TTLL10: variants seen among roughly 807,000 people sequenced by gnomAD.
TTLL10 encodes inactive polyglycylase TTLL10.
In TTLL10, 61 loss-of-function variants were observed where a neutral mutation model predicts 69.0. The observed-to-expected ratio is 0.88, with a 90% CI of 0.72 to 1.09. The LOEUF is 1.09. TTLL10 is among the 50% of genes least tolerant of loss of function. TTLL10 has a pLI of 0.00. For synonymous variants in TTLL10, 408 were observed against 393.3 expected (o/e 1.04, Z -0.44); for missense variants, 962 against 945.9 (o/e 1.02, Z -0.22).
At chr1:1,197,253 T>C in intron 15 of TTLL10, 67 bp downstream of exon 15, 1 of 1,418,396 alleles carries the variant, frequency 7.1e-7, no homozygotes. Flanking sequence ...ACCTGCCCTC[T>C]TCCCAAGTTC....
chr1:1,182,184 T>C (rs143830162), intron 9 of TTLL10, among the ~76,000 whole-genome samples, 177 bp from the exon 10 acceptor site: 1 of 152,114 alleles, frequency 6.6e-6, no homozygotes, highest in Admixed American at 6.5e-5. Flanking sequence ...GCACAGCCCG[T>C]TGGGGGGGTG....
chr1:1,184,061 C>G lies in TTLL10; in HGVS notation c.1230C>G (p.Ser410=). Residue 410 remains serine, a synonymous_variant, in exon 12 of 16, where the codon TCC becomes TCG. Transcript: ENST00000379289. ...CCCTTAGCCTTTACGACCCCCATTC[C>G]AGCGACCTCGGCGGCCACTTGACCA... ...RLTLSLYDPH[S]SDLGGHLTNQ... is the part of the protein sequence containing the mutation. 1.9e-6 allele frequency: 3 copies of G among 1,614,220 alleles called. No homozygotes were observed. Among genetic ancestry groups the G allele is most frequent in the Non-Finnish European group, 2.5e-6 (3 of 1,180,022 alleles).
At chr1:1,179,434 A>C (rs1337976836) in intron 4 of TTLL10, 101 bp downstream of exon 4, 2 of 1,300,508 alleles carry the variant, frequency 1.5e-6, no homozygotes, top group African/African-American at 2.9e-5. Context: ...CTCATGGGGC[A>C]GGGGCAGGAT....
intron 13 of TTLL10, among the ~76,000 whole-genome samples, chr1:1,195,194 T>C (rs1274510691): frequency 6.6e-6 from 1 of 152,190 alleles, no homozygotes; most frequent in Non-Finnish European, 1.5e-5. Flanking sequence ...TTTCACAATG[T>C]TGGCCAGGCT....
intron 13 of TTLL10, among the ~76,000 whole-genome samples, chr1:1,193,711 C>T (rs546567992): frequency 7.2e-5 from 11 of 152,216 alleles, no homozygotes; most frequent in Middle Eastern, 3.4e-3. Context: ...GTGATCTACC[C>T]GCCTCAGCTT....
chr1:1,178,711 C>T (rs773241157), intron 3 of TTLL10, among the ~76,000 whole-genome samples: 1 of 152,154 alleles, frequency 6.6e-6, no homozygotes, highest in East Asian at 1.9e-4. Context: ...TCCTGGGGGT[C>T]GGGCCTGGCA....
At chr1:1,191,476 A>C (rs1358695415) in intron 13 of TTLL10, among the ~76,000 whole-genome samples, 2 of 152,190 alleles carry the variant, frequency 1.3e-5, no homozygotes, top group African/African-American at 4.8e-5. Flanking sequence ...AAAAAACAAA[A>C]ACAAAAAACA....
chr1:1,184,606 C>T (rs1013298264), intron 12 of TTLL10, among the ~76,000 whole-genome samples: 2 of 152,208 alleles, frequency 1.3e-5, no homozygotes, highest in Admixed American at 1.3e-4. Context: ...CAGGGTGGGG[C>T]CGGGGGAGCA....
At chr1:1,178,375 CA>C (rs1380377765) in intron 3 of TTLL10, among the ~76,000 whole-genome samples, 4 of 152,120 alleles carry the variant, frequency 2.6e-5, no homozygotes, top group African/African-American at 7.2e-5. Context: ...GCCTGACCAA[CA>C]TGGAGAAAAC....
rs189737402 is a variant in TTLL10, at chr1:1,187,774, G to A, written c.1401+2665G>A. On this transcript the variant is annotated intron_variant, in intron 13 of 15. Coordinates refer to ENST00000379289, the MANE Select transcript of TTLL10 (RefSeq NM_001130045.2). ...ACAAAAATTAGCTGGGTGTGGTGGCGTGCACCTGTAGTCCCAGCTACTCAA... is the reference window on the plus strand; with the variant it reads ...ACAAAAATTAGCTGGGTGTGGTGGCATGCACCTGTAGTCCCAGCTACTCAA... Among the ~76,000 whole-genome samples the A allele has an allele frequency of 4.3e-3, 648 of 152,166 alleles. 7 individuals are homozygous for A. Among genetic ancestry groups the A allele is most frequent in the African/African-American group, 0.015 (603 of 41,508 alleles).
At chr1:1,187,629 C>CA (rs1348395068) in intron 13 of TTLL10, among the ~76,000 whole-genome samples, 1 of 150,986 alleles carries the variant, frequency 6.6e-6, no homozygotes, top group Non-Finnish European at 1.5e-5. Context: ...GACTCCATCT[C>CA]AAAAAACAAA....
chr1:1,191,523 C>T (rs779642276), intron 13 of TTLL10, among the ~76,000 whole-genome samples: 20 of 152,160 alleles, frequency 1.3e-4, no homozygotes, highest in Admixed American at 3.3e-4. Context: ...ATGGTCTATC[C>T]TGGAGAATAT....
At position 1,173,961 on chromosome 1, in the gene TTLL10, G is replaced by C. The variant is rs1239071353; in HGVS notation, c.-131+35G>C. 6.6e-6 allele frequency: 1 copy of C among 152,400 alleles called. No homozygotes were observed. The highest frequency in any genetic ancestry group is 1.5e-5 in the Non-Finnish European group (1 of 68,176). 9.4% of individuals were successfully genotyped at this position (152,400 alleles called of 1,614,324 possible). On this transcript the variant is annotated intron_variant, in intron 1 of 15. Coordinates refer to ENST00000379289, the MANE Select transcript of TTLL10 (RefSeq NM_001130045.2). The surrounding 1 kb of genome is among the most constrained non-coding windows in gnomAD (Gnocchi z 4.1). ...GCCGGCGGCCACCAGCTGGGGTCCA[G>C]TGGGCTCGGCCCCGCCCTCCTACGC...
chr1:1,197,007 ATCTG>A (rs2100927372), intron 14 of TTLL10, 82 bp from the exon 15 acceptor site: 1 of 1,261,870 alleles, frequency 7.9e-7, no homozygotes, highest in East Asian at 2.5e-5. Context: ...TCCCAGAGCC[ATCTG>A]TCTGAATGAG....
In TTLL10 at chr1:1,185,416, G is replaced by C; in HGVS notation, c.1401+307G>C. The C allele has an allele frequency of 3.3e-6, 4 of 1,218,792 alleles. No individual in the cohort carries two copies. The highest frequency in any genetic ancestry group is 4.1e-6 in the Non-Finnish European group (4 of 976,196). The allele number at this position is 1,218,792 out of a possible 1,614,324, so 75.5% of individuals were successfully genotyped here. Reference sequence around the variant, plus strand: ...TTCAGTGACAGCCACCATGTGAAGAGTCTTTGTTCCTTTCAGATCCTCCAC... The same window carrying C: ...TTCAGTGACAGCCACCATGTGAAGACTCTTTGTTCCTTTCAGATCCTCCAC... On this transcript the variant is annotated intron_variant, in intron 13 of 15. Coordinates refer to ENST00000379289, the MANE Select transcript of TTLL10 (RefSeq NM_001130045.2). The surrounding 1 kb of genome is among the most constrained non-coding windows in gnomAD (Gnocchi z 6.1).
chr1:1,183,864 T>G (rs1647156657), intron 11 of TTLL10, 56 bp from the exon 12 acceptor site: 1 of 1,605,464 alleles, frequency 6.2e-7, no homozygotes, highest in Non-Finnish European at 8.5e-7. Flanking sequence ...TGTGAGGGGA[T>G]GCAGGCCAGG....
At chr1:1,192,160 C>T (rs938525902) in intron 13 of TTLL10, among the ~76,000 whole-genome samples, 3 of 152,248 alleles carry the variant, frequency 2.0e-5, no homozygotes, top group African/African-American at 4.8e-5. Flanking sequence ...TCTATTTACT[C>T]GTTAATCTTC....
rs1476149591 is a variant in TTLL10, at chr1:1,181,634, C to T, written c.756-107C>T. 1 of 1,043,232 alleles carries T rather than the reference C, an allele frequency of 9.6e-7. No homozygotes were observed. The highest frequency in any genetic ancestry group is 1.4e-6 in the Non-Finnish European group (1 of 714,280). The allele number at this position is 1,043,232 out of a possible 1,614,324, so 64.6% of individuals were successfully genotyped here. The stretch of plus-strand genomic sequence containing the variant: ...ACCCAGCCACCTCCTTCCACCACAA[C>T]TCACAGTCCGCCCACTCACCACCCA... On this transcript the variant is annotated intron_variant, in intron 8 of 15. Transcript: ENST00000379289. The surrounding 1 kb of genome is among the most constrained non-coding windows in gnomAD (Gnocchi z 4.6).
intron 12 of TTLL10, 39 bp downstream of exon 12, chr1:1,184,130 G>A (rs1375548327): frequency 1.2e-6 from 2 of 1,613,332 alleles, no homozygotes; most frequent in Non-Finnish European, 1.7e-6. Flanking sequence ...CTGCAGCCTT[G>A]GGATGAGATT....
Sources: allele counts gnomAD v4.1 joint callset (sites outside exome capture counted in the v4.1 genomes callset), GRCh38; gene constraint gnomAD v4.1.1; non-coding constraint Gnocchi (gnomAD v3.1); transcripts MANE v1.5; gene names NCBI Gene and HGNC (gene_info 2026-07-23, HGNC 2026-07-21).